RIMS2: variants seen among roughly 807,000 people sequenced by gnomAD.
RIMS2 encodes regulating synaptic membrane exocytosis 2.
A neutral mutation model predicts 174.4 loss-of-function variants in RIMS2; 59 were observed. The ratio of observed to expected loss-of-function variants is 0.34; its 90% CI spans 0.27 to 0.42. RIMS2 has a LOEUF of 0.42. RIMS2 is among the 10% of genes least tolerant of loss of function. The pLI is 1.00. For missense variants in RIMS2, 1,620 were observed against 1,666.3 expected, an observed-to-expected ratio of 0.97 and a Z score of 0.48; for synonymous variants, 606 against 572.5, an observed-to-expected ratio of 1.06 and a Z score of -0.84.
chr8:104,210,879 G>T (rs954238621), intron 19 of RIMS2, among the ~76,000 whole-genome samples: 3 of 152,198 alleles, frequency 2.0e-5, no homozygotes, highest in African/African-American at 7.2e-5. Context: ...GGAACAAAAT[G>T]TATCTCTGAC....
intron 1 of RIMS2, among the ~76,000 whole-genome samples, chr8:103,549,225 G>A (rs1846495691): frequency 1.3e-5 from 2 of 152,108 alleles, no homozygotes; most frequent in Non-Finnish European, 2.9e-5. Flanking sequence ...AGAGAGAATG[G>A]TCGGGTTACC....
intron 14 of RIMS2, among the ~76,000 whole-genome samples, chr8:103,956,838 T>C (rs1439675497): frequency 2.0e-5 from 3 of 152,172 alleles, no homozygotes; most frequent in Non-Finnish European, 4.4e-5. Flanking sequence ...GAGAAAACTT[T>C]TGCAATCTGT....
chr8:104,045,463 C>A (rs973933755), intron 19 of RIMS2, among the ~76,000 whole-genome samples: 45 of 151,754 alleles, frequency 3.0e-4, no homozygotes, highest in Non-Finnish European at 5.3e-4. Flanking sequence ...TTAAACAAGT[C>A]TAATACAAAA....
At chr8:104,052,134 G>A (rs2096796954) in intron 19 of RIMS2, among the ~76,000 whole-genome samples, 1 of 152,112 alleles carries the variant, frequency 6.6e-6, no homozygotes. Flanking sequence ...GAAATTTTTA[G>A]GGTGATAGAA....
intron 19 of RIMS2, among the ~76,000 whole-genome samples, chr8:104,166,487 G>GA (rs1244853450): frequency 6.6e-6 from 1 of 152,026 alleles, no homozygotes; most frequent in Non-Finnish European, 1.5e-5. Context: ...AGTAAGTTCA[G>GA]AAAAAACATT....
chr8:104,041,441 A>G (rs1364964896), intron 19 of RIMS2, 83 bp downstream of exon 22: 1 of 620,770 alleles, frequency 1.6e-6, no homozygotes, highest in Non-Finnish European at 3.0e-6. Context: ...TACTCATTTC[A>G]TAGTTTTTCA....
chr8:103,723,189 CCTCA>C lies in RIMS2; in HGVS notation c.387+25896_387+25899del, dbSNP rs2097477864. The stretch of plus-strand genomic sequence containing the variant: ...TAAACCTTACCAAGGACTTCCTTAC[CCTCA>C]CTATCTGCCTAAATAATTTCTTAAC... On this transcript the variant is annotated intron_variant, in intron 2 of 23. Transcript: ENST00000504942. Among the ~76,000 whole-genome samples the C allele has an allele frequency of 2.0e-5, 3 of 152,282 alleles. No homozygotes were observed. The South Asian group carries it at 6.2e-4, about 32-fold the overall frequency.
chr8:104,177,467 T>G (rs2098909692), intron 19 of RIMS2, among the ~76,000 whole-genome samples: 1 of 152,172 alleles, frequency 6.6e-6, no homozygotes, highest in South Asian at 2.1e-4. Flanking sequence ...CTCACACATT[T>G]ATGCCCAATT....
chr8:104,126,487 G>A (rs1052713177), intron 19 of RIMS2, among the ~76,000 whole-genome samples: 2 of 152,120 alleles, frequency 1.3e-5, no homozygotes, highest in Non-Finnish European at 2.9e-5. Flanking sequence ...CTCCAATATA[G>A]TACAGTACTC....
rs77991507 is a variant in RIMS2, at chr8:103,877,540, T to G, written c.699-7758T>G. ...TGCTCAGTGTATGTTTTGTTGGTTA[T>G]AGGTATTTGGCTTTATTTCTAGGTT... On this transcript the variant is annotated intron_variant, in intron 3 of 23. Transcript: ENST00000504942. Among the ~76,000 whole-genome samples, 1,482 of 151,868 alleles carry G rather than the reference T, an allele frequency of 9.8e-3. 18 individuals are homozygous for G. Among genetic ancestry groups the G allele is most frequent in the East Asian group, 0.046 (239 of 5,148 alleles).
chr8:104,018,377 A>G (rs2095986329), intron 19 of RIMS2, among the ~76,000 whole-genome samples: 1 of 152,214 alleles, frequency 6.6e-6, no homozygotes, highest in Non-Finnish European at 1.5e-5. Context: ...TAAATGCACA[A>G]TGAAGAATAG....
chr8:103,936,002 T>C (rs1326412951), intron 12 of RIMS2, among the ~76,000 whole-genome samples: 1 of 152,196 alleles, frequency 6.6e-6, no homozygotes, highest in Non-Finnish European at 1.5e-5. Flanking sequence ...AAATGTACAG[T>C]GTTTTAAAAT....
At chr8:103,618,266 A>T (rs980185710) in intron 1 of RIMS2, among the ~76,000 whole-genome samples, 5 of 152,184 alleles carry the variant, frequency 3.3e-5, no homozygotes, top group Non-Finnish European at 5.9e-5. Flanking sequence ...AGAGAAAGCT[A>T]AATTATAACT....
At chr8:104,120,378 G>A (rs1047414199) in intron 19 of RIMS2, among the ~76,000 whole-genome samples, 3 of 151,946 alleles carry the variant, frequency 2.0e-5, no homozygotes, top group Non-Finnish European at 2.9e-5. Context: ...ATTAGTCATT[G>A]GCAATTTCTT....
At chr8:104,074,726 G>A (rs962097768) in intron 19 of RIMS2, among the ~76,000 whole-genome samples, 2 of 152,052 alleles carry the variant, frequency 1.3e-5, no homozygotes, top group African/African-American at 2.4e-5. Flanking sequence ...CATAATATGT[G>A]ATGAAAAATC....
chr8:103,797,024 A>C (rs1267547736), intron 3 of RIMS2, among the ~76,000 whole-genome samples: 1 of 152,144 alleles, frequency 6.6e-6, no homozygotes, highest in African/African-American at 2.4e-5. Flanking sequence ...ATAGGGTGTT[A>C]GGGAAGGCAT....
In RIMS2 at chr8:104,130,357, T is replaced by G. The variant is rs181164176; in HGVS notation, c.3335-114559T>G. ...ACCGCTGCCCAGATTCCAGCTACAA[T>G]TTGACGCCACCTGGTGGCAGTTTTC... On this transcript the variant is annotated intron_variant, in intron 19 of 23. Coordinates refer to ENST00000504942, the Ensembl canonical transcript of RIMS2. 3.8e-3 allele frequency among the ~76,000 whole-genome samples: 580 copies of G among 152,282 alleles called. 2 individuals are homozygous for G. The highest frequency in any genetic ancestry group is 0.013 in the African/African-American group (560 of 41,568).
intron 1 of RIMS2, among the ~76,000 whole-genome samples, chr8:103,568,063 T>G (rs2092511896): frequency 6.6e-6 from 1 of 150,514 alleles, no homozygotes; most frequent in Non-Finnish European, 1.5e-5. Context: ...AGCCCAGGAG[T>G]TCAAGACCAG....
At chr8:103,549,400 C>G (rs1196426721) in intron 1 of RIMS2, among the ~76,000 whole-genome samples, 4 of 152,110 alleles carry the variant, frequency 2.6e-5, no homozygotes, top group African/African-American at 9.7e-5. Flanking sequence ...AAACAAAATC[C>G]TTTATAGACA....
Sources: gnomAD v4.1 joint callset for allele counts (sites outside exome capture counted in the v4.1 genomes callset) on GRCh38, gnomAD v4.1.1 for gene constraint, MANE v1.5 for transcripts, NCBI Gene and HGNC (gene_info 2026-07-23, HGNC 2026-07-21) for gene names.